VAC14: variants seen among roughly 807,000 people sequenced by gnomAD.
The protein encoded by VAC14 is VAC14 component of PIKFYVE complex.
A neutral mutation model predicts 85.3 loss-of-function variants in VAC14; 47 were observed. The observed-to-expected ratio is 0.55, with a 90% CI of 0.44 to 0.70. The LOEUF (loss-of-function observed/expected upper bound fraction) is 0.70, where lower values mean the gene tolerates loss of function less well. VAC14 is among the 30% of genes least tolerant of loss of function. The probability of loss-of-function intolerance (pLI) is 0.00; values close to 1 mark genes in which losing one functional copy is unlikely to be tolerated. For missense variants in VAC14, 861 were observed against 1,004.3 expected (o/e 0.86, Z 1.93); for synonymous variants, 447 against 430.5 (o/e 1.04, Z -0.47).
At chr16:70,759,606 CGA>C (rs1316474217) in intron 12 of VAC14, among the ~76,000 whole-genome samples, 2 of 152,018 alleles carry the variant, frequency 1.3e-5, no homozygotes, top group African/African-American at 4.8e-5. Flanking sequence ...CTAGCCTGGG[CGA>C]GAGTGAGATT....
chr16:70,719,662 C>A (rs566939343), intron 14 of VAC14, among the ~76,000 whole-genome samples: 50 of 152,284 alleles, frequency 3.3e-4, no homozygotes, highest in African/African-American at 1.2e-3. Context: ...CATATTAAAA[C>A]CACAAGATGA....
chr16:70,754,423 C>T (rs920745774), intron 12 of VAC14, among the ~76,000 whole-genome samples: 6 of 152,206 alleles, frequency 3.9e-5, no homozygotes, highest in African/African-American at 1.4e-4. Flanking sequence ...GGCCTGGGAC[C>T]TAGCTGTCCC....
chr16:70,693,889 G>A (rs886249567), intron 17 of VAC14, among the ~76,000 whole-genome samples: 4 of 152,218 alleles, frequency 2.6e-5, no homozygotes, highest in African/African-American at 9.6e-5. Flanking sequence ...AAGGGAACCT[G>A]AGCACCAGGC....
At chr16:70,795,438 G>A (rs961089213) in intron 1 of VAC14, among the ~76,000 whole-genome samples, 6 of 148,994 alleles carry the variant, frequency 4.0e-5, no homozygotes, top group Non-Finnish European at 7.4e-5. Context: ...AGTTTGCAGT[G>A]AGCCATGAGA....
chr16:70,720,396 G>C (rs867450720), intron 14 of VAC14, among the ~76,000 whole-genome samples: 1 of 152,182 alleles, frequency 6.6e-6, no homozygotes, highest in Non-Finnish European at 1.5e-5. Flanking sequence ...CTGCCACACC[G>C]CTTTGATCAG....
intron 3 of VAC14, among the ~76,000 whole-genome samples, chr16:70,785,359 C>T (rs540628591): frequency 5.3e-5 from 8 of 152,362 alleles, no homozygotes; most frequent in African/African-American, 1.7e-4. Flanking sequence ...AGACTAAGTG[C>T]AGCCCTCCCT....
intron 13 of VAC14, among the ~76,000 whole-genome samples, chr16:70,742,438 A>G (rs2030422719): frequency 6.6e-6 from 1 of 151,012 alleles, no homozygotes; most frequent in African/African-American, 2.4e-5. Context: ...CATCTGTCCC[A>G]AGGACTTAAG....
At chr16:70,721,565 C>A (rs1380780977) in intron 14 of VAC14, among the ~76,000 whole-genome samples, 1 of 152,094 alleles carries the variant, frequency 6.6e-6, no homozygotes, top group Non-Finnish European at 1.5e-5. Flanking sequence ...AGGATGGCGA[C>A]CCCATGGGAG....
intron 17 of VAC14, among the ~76,000 whole-genome samples, chr16:70,694,328 G>A (rs553408634): frequency 6.6e-6 from 1 of 152,062 alleles, no homozygotes; most frequent in South Asian, 2.1e-4. Context: ...GACCTCAGGC[G>A]GCCGTGTGGG....
chr16:70,771,010 G>A (rs766468084), intron 10 of VAC14: 2 of 152,194 alleles, frequency 1.3e-5, no homozygotes, highest in Non-Finnish European at 2.9e-5. Flanking sequence ...CTCTTCATGA[G>A]TGATTGGCTC....
intron 14 of VAC14, chr16:70,716,691 G>A (rs2054173933): frequency 6.6e-6 from 1 of 152,288 alleles, no homozygotes; most frequent in Non-Finnish European, 1.5e-5. Flanking sequence ...AGGGCCCCAA[G>A]CGGGCCCTGG....
At chr16:70,783,315 G>A in intron 6 of VAC14, 130 bp downstream of exon 6, 2 of 1,080,736 alleles carry the variant, frequency 1.9e-6, no homozygotes, top group Non-Finnish European at 2.7e-6. Flanking sequence ...CCTCAAAGCG[G>A]GAAGCACAAG....
intron 10 of VAC14, chr16:70,769,510 G>A (rs2033060193): frequency 6.6e-6 from 1 of 152,256 alleles, no homozygotes; most frequent in Non-Finnish European, 1.5e-5. Flanking sequence ...CTTGAGCACA[G>A]CTGGTGACAC....
intron 1 of VAC14, among the ~76,000 whole-genome samples, chr16:70,787,633 T>G (rs542613023): frequency 6.6e-6 from 1 of 152,136 alleles, no homozygotes; most frequent in Non-Finnish European, 1.5e-5. Flanking sequence ...AGATCACTGA[T>G]GGAGGAGAGG....
At chr16:70,743,548 C>T (rs150575543) in intron 13 of VAC14, among the ~76,000 whole-genome samples, 86 of 152,286 alleles carry the variant, frequency 5.6e-4, no homozygotes, top group African/African-American at 1.8e-3. Context: ...ACGAACCCAC[C>T]GGAAGGAAGA....
chr16:70,698,422 G>A (rs2053756957), intron 15 of VAC14, among the ~76,000 whole-genome samples: 2 of 152,198 alleles, frequency 1.3e-5, no homozygotes, highest in Admixed American at 1.3e-4. Flanking sequence ...CCTGCGGGCA[G>A]AGACCTCAGT....
intron 14 of VAC14, among the ~76,000 whole-genome samples, chr16:70,705,724 C>A (rs546978702): frequency 6.6e-6 from 1 of 152,302 alleles, no homozygotes; most frequent in East Asian, 1.9e-4. Context: ...GCAACGCTGC[C>A]CTCCCCATGA....
chr16:70,743,452 T>C (rs1418421271), intron 13 of VAC14, among the ~76,000 whole-genome samples: 2 of 152,256 alleles, frequency 1.3e-5, no homozygotes, highest in Non-Finnish European at 2.9e-5. Context: ...ATCTTGCTGC[T>C]GCTCACTCTT....
chr16:70,773,843 C>T lies in VAC14; in HGVS notation c.1097-1671G>A, dbSNP rs1181662680. Reference sequence around the variant, plus strand: ...GTAGTGGCACAACCTTGGCTCACTGCAATCTTCGCCTCCTGCACTCAAGAG... The same window carrying T: ...GTAGTGGCACAACCTTGGCTCACTGTAATCTTCGCCTCCTGCACTCAAGAG... On this transcript the variant is annotated intron_variant, in intron 9 of 18. Coordinates refer to ENST00000261776, the MANE Select transcript of VAC14 (RefSeq NM_018052.5). Among the ~76,000 whole-genome samples the T allele has an allele frequency of 2.6e-5, 4 of 151,960 alleles. 1 individual carries two copies. Among genetic ancestry groups the T allele is most frequent in the Non-Finnish European group, 5.9e-5 (4 of 68,010 alleles).
Sources: allele counts gnomAD v4.1 joint callset (sites outside exome capture counted in the v4.1 genomes callset), GRCh38; gene constraint gnomAD v4.1.1; transcripts MANE v1.5; gene names NCBI Gene and HGNC (gene_info 2026-07-23, HGNC 2026-07-21).